NKAIN2: variants seen among roughly 807,000 people sequenced by gnomAD.
NKAIN2 encodes sodium/potassium-transporting ATPase subunit beta-1-interacting protein 2.
Under a neutral mutation model 32.6 loss-of-function variants are expected in NKAIN2, and 14 were observed. The observed-to-expected ratio is 0.43, with a 90% CI of 0.28 to 0.67. NKAIN2 has a LOEUF of 0.67. Among genes scored for constraint, NKAIN2 ranks in the 30% least tolerant of loss-of-function variants. The probability of loss-of-function intolerance (pLI) is 0.17; values close to 1 mark genes in which losing one functional copy is unlikely to be tolerated. For synonymous variants in NKAIN2, 80 were observed against 87.2 expected, an observed-to-expected ratio of 0.92 and a Z score of 0.46; for missense variants, 198 against 258.3, an observed-to-expected ratio of 0.77 and a Z score of 1.60.
At chr6:124,393,923 C>T (rs1723400524) in intron 3 of NKAIN2, among the ~76,000 whole-genome samples, 1 of 152,046 alleles carries the variant, frequency 6.6e-6, no homozygotes, top group Non-Finnish European at 1.5e-5. Flanking sequence ...GGAATGAAGA[C>T]CAAAAGAAGT....
chr6:124,120,464 T>C (rs982612898), intron 1 of NKAIN2, among the ~76,000 whole-genome samples: 3 of 152,130 alleles, frequency 2.0e-5, no homozygotes, highest in African/African-American at 7.2e-5. Context: ...CTTAGCTAGG[T>C]TATTTTATTT....
chr6:124,250,123 G>T (rs1484814639), intron 1 of NKAIN2, among the ~76,000 whole-genome samples: 1 of 152,098 alleles, frequency 6.6e-6, no homozygotes, highest in Non-Finnish European at 1.5e-5. Context: ...GATCTTTGCT[G>T]TTTCCACCAT....
intron 1 of NKAIN2, among the ~76,000 whole-genome samples, chr6:123,879,324 A>G (rs907775628): frequency 1.3e-5 from 2 of 152,194 alleles, no homozygotes; most frequent in African/African-American, 4.8e-5. Context: ...CCAATAGGTA[A>G]ATCTAAAGGA....
At chr6:124,010,693 A>C (rs572221775) in intron 1 of NKAIN2, among the ~76,000 whole-genome samples, 1 of 151,816 alleles carries the variant, frequency 6.6e-6, no homozygotes, top group African/African-American at 2.4e-5. Context: ...TGAAGATTAA[A>C]TTGTGTGTGT....
At chr6:124,611,598 A>C (rs912600497) in intron 3 of NKAIN2, among the ~76,000 whole-genome samples, 1 of 151,828 alleles carries the variant, frequency 6.6e-6, no homozygotes, top group African/African-American at 2.4e-5. Context: ...TCGTTGCTCA[A>C]CTCCCACTTA....
intron 1 of NKAIN2, among the ~76,000 whole-genome samples, chr6:124,094,069 C>T (rs1469988219): frequency 6.6e-6 from 1 of 152,058 alleles, no homozygotes; most frequent in African/African-American, 2.4e-5. Context: ...GATCTCAGTC[C>T]GCTGTAAACA....
chr6:124,594,847 T>C (rs1211549802), intron 3 of NKAIN2, among the ~76,000 whole-genome samples: 1 of 151,456 alleles, frequency 6.6e-6, no homozygotes, highest in Non-Finnish European at 1.5e-5. Context: ...TCAGAGGAAA[T>C]GGGTTACATT....
chr6:124,742,282 A>G (rs1777251442), intron 4 of NKAIN2, among the ~76,000 whole-genome samples: 1 of 151,860 alleles, frequency 6.6e-6, no homozygotes, highest in Admixed American at 6.6e-5. Flanking sequence ...ACCCTCACTA[A>G]TGAGGGCTGG....
At chr6:124,388,800 A>T (rs1439534957) in intron 3 of NKAIN2, among the ~76,000 whole-genome samples, 1 of 152,060 alleles carries the variant, frequency 6.6e-6, no homozygotes, top group Non-Finnish European at 1.5e-5. Flanking sequence ...TATTGTGAAC[A>T]AGTATGCCTT....
intron 1 of NKAIN2, among the ~76,000 whole-genome samples, chr6:123,885,414 C>T (rs1365666370): frequency 6.6e-6 from 1 of 151,956 alleles, no homozygotes; most frequent in Non-Finnish European, 1.5e-5. Flanking sequence ...ATTTCTAATG[C>T]ATTGGTATTG....
intron 1 of NKAIN2, among the ~76,000 whole-genome samples, chr6:123,864,488 G>A (rs961973496): frequency 6.6e-6 from 1 of 152,188 alleles, no homozygotes; most frequent in South Asian, 2.1e-4. Flanking sequence ...ACATCCTTGT[G>A]TAGCAGACAG....
At chr6:124,001,069 G>A (rs978860242) in intron 1 of NKAIN2, among the ~76,000 whole-genome samples, 1 of 152,010 alleles carries the variant, frequency 6.6e-6, no homozygotes. Flanking sequence ...AGTGGAATTG[G>A]AATGTGAAAA....
At position 124,061,501 on chromosome 6, in the gene NKAIN2, A is replaced by G. The variant is rs539257793; in HGVS notation, c.55-221504A>G. On this transcript the variant is annotated intron_variant, in intron 1 of 6. Coordinates refer to ENST00000368417, the MANE Select transcript of NKAIN2 (RefSeq NM_001040214.3). ...GGATTCCATTTGAGATGTAATTTAAATGATGGAAACTTTCTTACACTATGA... is the reference window on the plus strand; with the variant it reads ...GGATTCCATTTGAGATGTAATTTAAGTGATGGAAACTTTCTTACACTATGA... 1.1e-3 allele frequency among the ~76,000 whole-genome samples: 173 copies of G among 152,252 alleles called. 1 individual carries two copies. Among genetic ancestry groups the G allele is most frequent in the Middle Eastern group, 0.01 (3 of 294 alleles).
intron 1 of NKAIN2, among the ~76,000 whole-genome samples, chr6:124,015,747 T>C (rs1212254978): frequency 1.3e-5 from 2 of 152,178 alleles, no homozygotes; most frequent in Admixed American, 1.3e-4. Flanking sequence ...TAGTTTTACT[T>C]TATACGCTCA....
At chr6:123,947,569 A>G (rs931852804) in intron 1 of NKAIN2, among the ~76,000 whole-genome samples, 2 of 152,112 alleles carry the variant, frequency 1.3e-5, no homozygotes, top group African/African-American at 4.8e-5. Flanking sequence ...TTTTTAAGCC[A>G]TAGCCAGAGA....
intron 1 of NKAIN2, among the ~76,000 whole-genome samples, chr6:123,816,781 G>A (rs891549242): frequency 1.3e-5 from 2 of 152,168 alleles, no homozygotes; most frequent in Non-Finnish European, 2.9e-5. Flanking sequence ...GTAAGGTGGT[G>A]GTGGTAAGAG....
At chr6:124,163,946 A>G (rs1036536120) in intron 1 of NKAIN2, among the ~76,000 whole-genome samples, 1 of 152,078 alleles carries the variant, frequency 6.6e-6, no homozygotes, top group Non-Finnish European at 1.5e-5. Flanking sequence ...AGGCTGTTAT[A>G]GACAACCCTG....
chr6:124,569,101 C>T (rs1781029645), intron 3 of NKAIN2, among the ~76,000 whole-genome samples: 1 of 152,194 alleles, frequency 6.6e-6, no homozygotes, highest in African/African-American at 2.4e-5. Flanking sequence ...TACCATACTA[C>T]TCAAGGTGAC....
At chr6:123,819,215 A>C (rs1489018942) in intron 1 of NKAIN2, among the ~76,000 whole-genome samples, 1 of 152,174 alleles carries the variant, frequency 6.6e-6, no homozygotes. Flanking sequence ...GGTGAAAAGC[A>C]GGAGTCTTCC....
Sources: gnomAD v4.1 joint callset for allele counts (sites outside exome capture counted in the v4.1 genomes callset) on GRCh38, gnomAD v4.1.1 for gene constraint, MANE v1.5 for transcripts, NCBI Gene and HGNC (gene_info 2026-07-23, HGNC 2026-07-21) for gene names.